ZNF469: variants seen among roughly 807,000 people sequenced by gnomAD.
ZNF469 encodes zinc finger protein 469.
In ZNF469, 1 loss-of-function variant was observed where a neutral mutation model predicts 1.0. The ratio of observed to expected loss-of-function variants is 1.00; its 90% CI spans 0.35 to 4.73. ZNF469 has a LOEUF of 4.73. Among genes scored for constraint, ZNF469 ranks in the 30% most tolerant of loss-of-function variants. The pLI is 0.16. For missense variants in ZNF469, 6,100 were observed against 5,356.3 expected, an observed-to-expected ratio of 1.14 and a Z score of -4.33; for synonymous variants, 2,703 against 2,363.4, an observed-to-expected ratio of 1.14 and a Z score of -4.17.
chr16:88,399,704 C>G (rs1435657145), intron 1 of ZNF469, among the ~76,000 whole-genome samples: 2 of 152,268 alleles, frequency 1.3e-5, no homozygotes, highest in Non-Finnish European at 2.9e-5. Flanking sequence ...CATATGTGAG[C>G]TGCCCCCAGC....
At chr16:88,140,173 T>G in the ZNF469 span, among the ~76,000 whole-genome samples, 1 of 152,160 alleles carries the variant, frequency 6.6e-6, no homozygotes, top group South Asian at 2.1e-4. Context: ...GGCATTGAAG[T>G]GGCAGAACCG....
the ZNF469 span, among the ~76,000 whole-genome samples, chr16:88,349,014 G>A: frequency 6.6e-6 from 1 of 152,182 alleles, no homozygotes; most frequent in Admixed American, 6.5e-5. Flanking sequence ...CTCCCACGCA[G>A]GCCCCAAGCC....
At chr16:88,354,772 G>C in the ZNF469 span, among the ~76,000 whole-genome samples, 1 of 152,216 alleles carries the variant, frequency 6.6e-6, no homozygotes, top group Non-Finnish European at 1.5e-5. Context: ...CCTGGCTGCA[G>C]GTAAACAGGG....
chr16:88,432,356 G>A lies in ZNF469; in HGVS notation c.4886G>A (p.Arg1629His), dbSNP rs780466908. ...EDTFSAADLT[R>H]VGESTAHREG... ...ACGTTCTCGGCAGCTGACCTCACGC[G>A]CGTTGGAGAATCCACTGCACATCGG... Residue 1629 changes from arginine (R) to histidine (H), a missense_variant, in exon 3 of 3, where the codon CGC becomes CAC. Physicochemically the swap from Arg to His is conservative, Grantham distance 29. Transcript: ENST00000565624. 1.8e-5 allele frequency: 28 copies of A among 1,548,588 alleles called. No individual in the cohort carries two copies. The highest frequency in any genetic ancestry group is 1.2e-4 in the East Asian group (5 of 40,908).
At chr16:88,117,607 G>GGAGGTGCCACGTGCCTTCGGGGACCA in the ZNF469 span, among the ~76,000 whole-genome samples, 14 of 148,938 alleles carry the variant, frequency 9.4e-5, no homozygotes, top group East Asian at 4.0e-4. Context: ...TTCGGGGACC[G>GGAGGTGCCACGTGCCTTCGGGGACCA]TGGAGGTGCC....
the ZNF469 span, among the ~76,000 whole-genome samples, chr16:88,191,217 C>T: frequency 6.6e-6 from 1 of 152,128 alleles, no homozygotes; most frequent in African/African-American, 2.4e-5. Flanking sequence ...TAGCCAAATG[C>T]AGTCTGCAGT....
At chr16:88,239,576 C>T in the ZNF469 span, among the ~76,000 whole-genome samples, 3 of 148,072 alleles carry the variant, frequency 2.0e-5, no homozygotes, top group African/African-American at 4.9e-5. Context: ...CAAGCTCCGC[C>T]TCCCAGGTTC....
the ZNF469 span, among the ~76,000 whole-genome samples, chr16:88,338,308 G>A: frequency 3.3e-5 from 5 of 152,040 alleles, no homozygotes; most frequent in East Asian, 1.9e-4. Flanking sequence ...TCCAGGCTGC[G>A]GGATAGTGCT....
chr16:88,214,661 A>AC, the ZNF469 span, among the ~76,000 whole-genome samples: 2 of 150,238 alleles, frequency 1.3e-5, no homozygotes, highest in Non-Finnish European at 1.5e-5. Context: ...TCTAACCCTC[A>AC]CCCCCCGACA....
At chr16:88,353,544 A>C in the ZNF469 span, among the ~76,000 whole-genome samples, 3 of 152,148 alleles carry the variant, frequency 2.0e-5, no homozygotes, top group Non-Finnish European at 4.4e-5. Context: ...CTCGCGGCTC[A>C]CTGCTGCCTG....
At position 88,440,651 on chromosome 16, in the gene ZNF469, C is replaced by T. The variant is rs1035057056; in HGVS notation, c.*1319C>T. 3.9e-5 allele frequency: 6 copies of T among 152,202 alleles called. No individual in the cohort carries two copies. Among genetic ancestry groups the T allele is most frequent in the African/African-American group, 1.4e-4 (6 of 41,438 alleles). 9.4% of individuals were successfully genotyped at this position (152,202 alleles called of 1,614,324 possible). ...AGGTGTTGTAGGCCATTCAAAACGC[C>T]TCCGGAGTGTCGCAAACCAAGTGCG... is the stretch of plus-strand genomic sequence containing the variant. On this transcript the variant is annotated 3_prime_UTR_variant, in exon 3 of 3. Transcript: ENST00000565624.
rs1489479461 is a variant in ZNF469 at position 88,429,675 on chromosome 16, G to A, written c.2205G>A (p.Gln735=). ...DQLDVLLTCR[Q]CDRNYSSLAA... ...TGGACGTGCTGCTGACCTGCAGGCAGTGTGACCGCAACTACAGCAGCCTGG... is the reference window on the plus strand; with the variant it reads ...TGGACGTGCTGCTGACCTGCAGGCAATGTGACCGCAACTACAGCAGCCTGG... The change falls in exon 3 of 3, where the codon CAG becomes CAA. Residue 735 remains glutamine, a synonymous_variant. Transcript: ENST00000565624. The A allele has an allele frequency of 1.9e-6, 3 of 1,542,276 alleles. No individual in the cohort carries two copies. The Admixed American group carries it at 5.9e-5, about 30-fold the overall frequency.
chr16:88,213,124 A>T, the ZNF469 span, among the ~76,000 whole-genome samples: 1 of 147,764 alleles, frequency 6.8e-6, no homozygotes, highest in African/African-American at 2.5e-5. Context: ...TTTGAGATGG[A>T]GTCTCGCTCT....
intron 1 of ZNF469, among the ~76,000 whole-genome samples, chr16:88,409,250 A>G (rs903662283): frequency 6.6e-6 from 1 of 152,264 alleles, no homozygotes; most frequent in African/African-American, 2.4e-5. Flanking sequence ...ACCTGCAAAG[A>G]GGCGATGATG....
the ZNF469 span, among the ~76,000 whole-genome samples, chr16:88,108,161 G>T: frequency 0.038 from 4,779 of 126,424 alleles, 194 homozygotes; most frequent in East Asian, 0.26. Context: ...GGGGGTCCAC[G>T]TCTGTGGGGA....
chr16:88,331,295 C>T, the ZNF469 span, among the ~76,000 whole-genome samples: 1 of 151,606 alleles, frequency 6.6e-6, no homozygotes, highest in Admixed American at 6.6e-5. Flanking sequence ...CCATCACCAC[C>T]ATCACCATCA....
Position 88,427,930 on chromosome 16 carries a change from C to A in ZNF469, c.460C>A (p.Gln154Lys), listed in dbSNP as rs757211390. The A allele has an allele frequency of 5.2e-6, 8 of 1,549,870 alleles. No homozygotes were observed. In the African/African-American group the frequency reaches 1.1e-4, roughly 21 times the overall value. Reference sequence around the variant, plus strand: ...CCAGCTCCCTGAGGTGGACACCCCCCAGGGCCCTGGGACTGGAGCTCCACT... The same window carrying A: ...CCAGCTCCCTGAGGTGGACACCCCCAAGGGCCCTGGGACTGGAGCTCCACT... ...AAQLPEVDTP[Q>K]GPGTGAPLRP... The change falls in exon 3 of 3, where the codon CAG (glutamine) becomes AAG (lysine). Residue 154 changes from glutamine to lysine, a missense_variant. By Grantham distance (53) the Gln-to-Lys change is moderately conservative (BLOSUM62 1). Coordinates refer to ENST00000565624, the MANE Select transcript of ZNF469 (RefSeq NM_001367624.2).
chr16:88,330,823 G>T, the ZNF469 span, among the ~76,000 whole-genome samples: 18 of 152,318 alleles, frequency 1.2e-4, no homozygotes, highest in African/African-American at 4.1e-4. Context: ...TGCCCCTTCA[G>T]TCCTATGAGC....
chr16:88,220,058 C>A, the ZNF469 span, among the ~76,000 whole-genome samples: 1 of 152,330 alleles, frequency 6.6e-6, no homozygotes, highest in South Asian at 2.1e-4. Flanking sequence ...ACCTCAGCAG[C>A]CTCATGATGC....
Sources: allele counts gnomAD v4.1 joint callset (sites outside exome capture counted in the v4.1 genomes callset), GRCh38; gene constraint gnomAD v4.1.1; transcripts MANE v1.5; gene names NCBI Gene and HGNC (gene_info 2026-07-23, HGNC 2026-07-21).